The following TMEM205 variants were observed in gnomAD, a reference collection of about 807,000 sequenced individuals.
TMEM205 encodes transmembrane protein 205.
TMEM205 carries 11 observed loss-of-function variants against 17.9 expected under a neutral mutation model. The observed-to-expected ratio is 0.61, with a 90% CI of 0.39 to 1.02. TMEM205 has a LOEUF of 1.02. TMEM205 is among the 50% of genes least tolerant of loss of function. TMEM205 has a pLI of 0.01. For missense variants in TMEM205, 236 were observed against 239.4 expected (o/e 0.99, Z 0.09); for synonymous variants, 86 against 97.4 (o/e 0.88, Z 0.69).
intron 2 of TMEM205, among the ~76,000 whole-genome samples, chr19:11,344,361 AG>A (rs969541826): frequency 7.9e-5 from 12 of 152,026 alleles, no homozygotes; most frequent in Admixed American, 2.0e-4. Flanking sequence ...AATAAATAAA[AG>A]GAAAAAAAAA....
chr19:11,343,253 C>G lies in TMEM205; in HGVS notation c.265-133G>C, dbSNP rs938728022. 4 of 930,952 alleles carry G rather than the reference C, an allele frequency of 4.3e-6. No homozygotes were observed. In the South Asian group the frequency reaches 6.9e-5, roughly 16 times the overall value. The allele number at this position is 930,952 out of a possible 1,614,324, so 57.7% of individuals were successfully genotyped here. A position where few individuals can be genotyped will look rare whatever the true frequency, so the allele number is the denominator to read the frequency against. On this transcript the variant is annotated intron_variant, in intron 2 of 2. Coordinates refer to ENST00000354882, the MANE Select transcript of TMEM205 (RefSeq NM_198536.3). ...CACTGGATCAAAAAACCTGCCTCCC[C>G]CTCTTTCCTTGAACCCAGACTGAGG...
chr19:11,345,292 T>C lies in TMEM205; in HGVS notation c.224A>G (p.Gln75Arg). The C allele has an allele frequency of 1.2e-6, 2 of 1,614,134 alleles. No individual in the cohort carries two copies. Among genetic ancestry groups the C allele is most frequent in the Non-Finnish European group, 1.7e-6 (2 of 1,180,020 alleles). ...AFINLCILAS[Q>R]HAWAQLTFWE... The stretch of plus-strand genomic sequence containing the variant: ...GAATGTGAGCTGAGCCCAAGCATGC[T>C]GTGAAGCCAAGATGCAGAGGTTGAT... The change falls in exon 2 of 3, where the codon CAG (glutamine) becomes CGG (arginine). Residue 75 changes from glutamine (Q) to arginine (R), a missense_variant. Gln to Arg is a conservative substitution (Grantham distance 43, BLOSUM62 1). Transcript: ENST00000354882.
At position 11,345,348 on chromosome 19, in the gene TMEM205, G is replaced by C. The variant is rs759811205; in HGVS notation, c.168C>G (p.Phe56Leu). The C allele has an allele frequency of 1.2e-6, 2 of 1,614,214 alleles. No individual in the cohort carries two copies. The highest frequency in any genetic ancestry group is 1.7e-6 in the Non-Finnish European group (2 of 1,180,042). ...CACAGCCCATGGAGATGTGGAAGTA[G>C]AAGGGGAAGAGTTTGCTCTGCACTA... The part of the protein sequence containing the change: ...FGLVQSKLFP[F>L]YFHISMGCAF... The change falls in exon 2 of 3, where the codon TTC becomes TTG. Residue 56 changes from phenylalanine (F) to leucine (L), a missense_variant. By Grantham distance (22) the Phe-to-Leu change is conservative (BLOSUM62 0). Transcript: ENST00000354882.
chr19:11,344,960 A>G (rs905209167), intron 2 of TMEM205, among the ~76,000 whole-genome samples: 27 of 151,234 alleles, frequency 1.8e-4, no homozygotes, highest in African/African-American at 6.1e-4. Flanking sequence ...GGTTCAAGCA[A>G]TTCTCCTGCC....
chr19:11,342,937 A>ACTTG lies in TMEM205; in HGVS notation c.444_447dup (p.Tyr150GlnfsTer?). Reference sequence around the variant, plus strand: ...AAGAAATTCTGGCGGAGAGCACTGTACTTGGGGTCCTTCTCTCGCAGCTGG... The same window carrying ACTTG: ...AAGAAATTCTGGCGGAGAGCACTGTACTTGCTTGGGGTCCTTCTCTCGCAGCTGG... On this transcript the variant is annotated frameshift_variant, in exon 3 of 3. Coordinates refer to ENST00000354882, the MANE Select transcript of TMEM205 (RefSeq NM_198536.3). LOFTEE classifies it high-confidence loss of function. The ACTTG allele has an allele frequency of 6.2e-7, 1 of 1,614,176 alleles. No individual in the cohort carries two copies. The highest frequency in any genetic ancestry group is 8.5e-7 in the Non-Finnish European group (1 of 1,180,028).
At chr19:11,343,474 C>G (rs963692592) in intron 2 of TMEM205, among the ~76,000 whole-genome samples, 6 of 152,192 alleles carry the variant, frequency 3.9e-5, no homozygotes, top group Non-Finnish European at 8.8e-5. Context: ...ATTGGACCCA[C>G]AGAGGGTGAA....
rs1471200586 is a variant in TMEM205, at chr19:11,345,877, G to A, written c.-258C>T. Reference sequence around the variant, plus strand: ...ACCTCAATCTCCATGCCACTTCAGAGGCCCCAAATTTCAGCCACAGCAGCT... The same window carrying A: ...ACCTCAATCTCCATGCCACTTCAGAAGCCCCAAATTTCAGCCACAGCAGCT... On this transcript the variant is annotated 5_prime_UTR_variant, in exon 1 of 3. Transcript: ENST00000354882. 1 of 551,470 alleles carries A rather than the reference G, an allele frequency of 1.8e-6. No homozygotes were observed. The highest frequency in any genetic ancestry group is 2.2e-5 in the South Asian group (1 of 44,460). The allele number at this position is 551,470 out of a possible 1,614,324, so 34.2% of individuals were successfully genotyped here.
In TMEM205 at chr19:11,342,956, C is replaced by T. The variant is rs1568304488; in HGVS notation, c.429G>A (p.Leu143=). The change falls in exon 3 of 3, where the codon CTG becomes CTA. Residue 143 remains leucine (L), a synonymous_variant. Coordinates refer to ENST00000354882, the MANE Select transcript of TMEM205 (RefSeq NM_198536.3). ...CACTGTACTTGGGGTCCTTCTCTCG[C>T]AGCTGGCGGTAGGGATCGGGACCCT... ...SHQGPDPYRQ[L]REKDPKYSAL... 6.2e-7 allele frequency: 1 copy of T among 1,614,192 alleles called. No homozygotes were observed. Among genetic ancestry groups the T allele is most frequent in the Non-Finnish European group, 8.5e-7 (1 of 1,180,030 alleles).
chr19:11,346,039 A>C lies in TMEM205; in HGVS notation c.-420T>G, dbSNP rs1356852044. 2 of 229,972 alleles carry C rather than the reference A, an allele frequency of 8.7e-6. No individual in the cohort carries two copies. Among genetic ancestry groups the C allele is most frequent in the East Asian group, 2.9e-4 (2 of 7,010 alleles). The allele number at this position is 229,972 out of a possible 1,614,324, so 14.2% of individuals were successfully genotyped here. On this transcript the variant is annotated 5_prime_UTR_variant, in exon 1 of 3. Coordinates refer to ENST00000354882, the MANE Select transcript of TMEM205 (RefSeq NM_198536.3). ...TTAGGTGAAGATCCCGAAAGCCCCG[A>C]GGAAACCCTAAATCTCATCCTGAGG... is the stretch of plus-strand genomic sequence containing the variant.
intron 2 of TMEM205, chr19:11,345,049 G>A: frequency 2.0e-6 from 1 of 502,712 alleles, no homozygotes; most frequent in East Asian, 3.8e-5. Context: ...GTAGAGACGG[G>A]GTTTCACCAT....
At position 11,342,895 on chromosome 19, in the gene TMEM205, A is replaced by C. The variant is rs1160003931; in HGVS notation, c.490T>G (p.Ser164Ala). ...ACGCAGCCCAGATTGCAAAGAGAGG[A>C]CAGCCCATGGTAGCGGAAGAAATTC... The part of the protein sequence containing the change: ...RQNFFRYHGL[S>A]SLCNLGCVLS... Residue 164 changes from serine to alanine, a missense_variant, in exon 3 of 3, where the codon TCC becomes GCC. Coordinates refer to ENST00000354882, the MANE Select transcript of TMEM205 (RefSeq NM_198536.3). The C allele has an allele frequency of 6.2e-7, 1 of 1,614,096 alleles. No homozygotes were observed. The highest frequency in any genetic ancestry group is 8.5e-7 in the Non-Finnish European group (1 of 1,180,030).
rs908008027 is a variant in TMEM205 at position 11,345,248 on chromosome 19, G to A, written c.264+4C>T. ...AGAGGGCAGTGGCACTCAAACCCAC[G>A]TACCTGGCTGGCCTCCCAGAATGTG... On this transcript the variant is annotated splice_donor_region_variant and intron_variant, in intron 2 of 2. Transcript: ENST00000354882. 18 of 1,613,838 alleles carry A rather than the reference G, an allele frequency of 1.1e-5. No homozygotes were observed. The highest frequency in any genetic ancestry group is 1.5e-5 in the Non-Finnish European group (18 of 1,179,960).
At chr19:11,343,625 A>T (rs1967025986) in intron 2 of TMEM205, among the ~76,000 whole-genome samples, 1 of 152,026 alleles carries the variant, frequency 6.6e-6, no homozygotes, top group East Asian at 1.9e-4. Context: ...CTCTACTAAA[A>T]ATACAAAAAT....
At chr19:11,344,357 TA>T (rs1395330434) in intron 2 of TMEM205, among the ~76,000 whole-genome samples, 1 of 151,082 alleles carries the variant, frequency 6.6e-6, no homozygotes, top group African/African-American at 2.4e-5. Context: ...AATAAATAAA[TA>T]AAAGGAAAAA....
In TMEM205 at chr19:11,342,896, C is replaced by A. The variant is rs753082143; in HGVS notation, c.489G>T (p.Leu163=). The A allele has an allele frequency of 1.2e-6, 2 of 1,614,086 alleles. No individual in the cohort carries two copies. Among genetic ancestry groups the A allele is most frequent in the African/African-American group, 2.7e-5 (2 of 74,924 alleles). ...LRQNFFRYHG[L]SSLCNLGCVL... ...CGCAGCCCAGATTGCAAAGAGAGGA[C>A]AGCCCATGGTAGCGGAAGAAATTCT... Residue 163 remains leucine (L), a synonymous_variant, in exon 3 of 3, where the codon CTG becomes CTT. Transcript: ENST00000354882.
Position 11,345,349 on chromosome 19 carries a change from A to G in TMEM205, c.167T>C (p.Phe56Ser). ...FGLVQSKLFPFYFHISMGCAF... is the reference protein window; with the variant it reads ...FGLVQSKLFPSYFHISMGCAF... ...ACAGCCCATGGAGATGTGGAAGTAG[A>G]AGGGGAAGAGTTTGCTCTGCACTAG... The change falls in exon 2 of 3, where the codon TTC (phenylalanine) becomes TCC (serine). Residue 56 changes from phenylalanine to serine, a missense_variant. Transcript: ENST00000354882. The G allele has an allele frequency of 9.3e-6, 15 of 1,614,152 alleles. No individual in the cohort carries two copies. The highest frequency in any genetic ancestry group is 1.2e-5 in the Non-Finnish European group (14 of 1,180,032).
rs745312230 is a variant in TMEM205 at position 11,343,078 on chromosome 19, C to T, written c.307G>A (p.Ala103Thr). ...FLSLTLATVN[A>T]RWLEPRTTAA... ...GTGGTGCGGGGTTCCAGCCAGCGGGCGTTGACAGTGGCCAGCGTAAGGCTC... is the reference window on the plus strand; with the variant it reads ...GTGGTGCGGGGTTCCAGCCAGCGGGTGTTGACAGTGGCCAGCGTAAGGCTC... Residue 103 changes from alanine to threonine, a missense_variant, in exon 3 of 3, where the codon GCC (alanine) becomes ACC (threonine). Transcript: ENST00000354882. The T allele has an allele frequency of 2.4e-5, 38 of 1,613,478 alleles. No homozygotes were observed. The highest frequency in any genetic ancestry group is 3.0e-5 in the Non-Finnish European group (35 of 1,179,998).
intron 2 of TMEM205, among the ~76,000 whole-genome samples, chr19:11,343,940 CT>C (rs1160054893): frequency 1.5e-3 from 193 of 124,614 alleles, no homozygotes; most frequent in South Asian, 7.8e-3. Context: ...AGACCCTCAT[CT>C]TTTTTTTTTT....
Position 11,345,701 on chromosome 19 carries a change from G to A in TMEM205, c.-82C>T. On this transcript the variant is annotated 5_prime_UTR_variant, in exon 1 of 3. Coordinates refer to ENST00000354882, the MANE Select transcript of TMEM205 (RefSeq NM_198536.3). ...CGTGGCCTTCAGACCCTGTGAGCCCGCTCGGGGACAGGGTTACGGCCAATC... is the reference window on the plus strand; with the variant it reads ...CGTGGCCTTCAGACCCTGTGAGCCCACTCGGGGACAGGGTTACGGCCAATC... 1.3e-6 allele frequency: 2 copies of A among 1,572,336 alleles called. No homozygotes were observed. Among genetic ancestry groups the A allele is most frequent in the Non-Finnish European group, 8.6e-7 (1 of 1,160,404 alleles).
Sources: allele counts gnomAD v4.1 joint callset (sites outside exome capture counted in the v4.1 genomes callset), GRCh38; gene constraint gnomAD v4.1.1; transcripts MANE v1.5; gene names NCBI Gene and HGNC (gene_info 2026-07-23, HGNC 2026-07-21).